Variants in TMTC4 observed in about 807,000 individuals in gnomAD.
TMTC4 encodes the protein protein O-mannosyl-transferase TMTC4.
Under a neutral mutation model 86.0 loss-of-function variants are expected in TMTC4, and 65 were observed. The observed-to-expected ratio is 0.76, with a 90% CI of 0.62 to 0.93. The LOEUF is 0.93. Among genes scored for constraint, TMTC4 ranks in the 40% least tolerant of loss-of-function variants. TMTC4 has a pLI of 0.00. For missense variants in TMTC4, 866 were observed against 948.1 expected, an observed-to-expected ratio of 0.91 and a Z score of 1.14; for synonymous variants, 379 against 382.5, an observed-to-expected ratio of 0.99 and a Z score of 0.11.
chr13:100,624,114 CAGG>C (rs1365700555), intron 15 of TMTC4: 2 of 184,352 alleles, frequency 1.1e-5, no homozygotes, highest in East Asian at 3.4e-4. Context: ...ATCACGAGGT[CAGG>C]AGATCTAGAC....
chr13:100,628,201 A>G (rs965137222), intron 12 of TMTC4, among the ~76,000 whole-genome samples: 2 of 152,072 alleles, frequency 1.3e-5, no homozygotes, highest in Non-Finnish European at 2.9e-5. Flanking sequence ...CTCTGTACCC[A>G]TTCTCACCTC....
In TMTC4 at chr13:100,636,526, TC is replaced by T; in HGVS notation, c.1202+5del. 6.2e-7 allele frequency: 1 copy of T among 1,614,174 alleles called. No individual in the cohort carries two copies. The highest frequency in any genetic ancestry group is 8.5e-7 in the Non-Finnish European group (1 of 1,180,044). On this transcript the variant is annotated splice_donor_5th_base_variant and intron_variant, in intron 10 of 18. Coordinates refer to ENST00000342624, the MANE Select transcript of TMTC4 (RefSeq NM_032813.5). ...GTGGAACTTAAGATTCAGTGCTGCC[TC>T]TTACCTTCTCTTGTGGCCGTCTTCA... is the stretch of plus-strand genomic sequence containing the variant.
intron 7 of TMTC4, among the ~76,000 whole-genome samples, chr13:100,640,104 C>T (rs1194330848): frequency 6.6e-6 from 1 of 152,094 alleles, no homozygotes; most frequent in Admixed American, 6.5e-5. Context: ...ATTGCTGATG[C>T]TCCTGGTCCT....
At chr13:100,634,980 T>C in intron 11 of TMTC4, 44 bp from the exon 12 acceptor site, 1 of 1,609,520 alleles carries the variant, frequency 6.2e-7, no homozygotes, top group Middle Eastern at 1.7e-4. Flanking sequence ...GTGAGATGCA[T>C]CCGGTCATTC....
chr13:100,614,697 G>C (rs1878196058), intron 15 of TMTC4, among the ~76,000 whole-genome samples: 2 of 152,114 alleles, frequency 1.3e-5, no homozygotes, highest in African/African-American at 4.8e-5. Context: ...CAAAGTTATA[G>C]ACTAGAAATG....
chr13:100,665,370 T>G (rs929199353), intron 3 of TMTC4, among the ~76,000 whole-genome samples: 1 of 152,240 alleles, frequency 6.6e-6, no homozygotes, highest in African/African-American at 2.4e-5. Context: ...GGGTTGTCCA[T>G]CAAGATTCTT....
At position 100,670,477 on chromosome 13, in the gene TMTC4, A is replaced by G; in HGVS notation, c.-115T>C. On this transcript the variant is annotated 5_prime_UTR_variant, in exon 2 of 19. An upstream start codon of the reference 5' UTR is lost. Coordinates refer to ENST00000342624, the MANE Select transcript of TMTC4 (RefSeq NM_032813.5). ...TGTCTCTCGAGCCTCACAGCCTGGC[A>G]TACGGCATGCTCTCAGCAAGTGCTG... 2.7e-6 allele frequency: 3 copies of G among 1,111,480 alleles called. No individual in the cohort carries two copies. The highest frequency in any genetic ancestry group is 1.6e-5 in the South Asian group (1 of 63,844). 68.9% of individuals were successfully genotyped at this position (1,111,480 alleles called of 1,614,324 possible). A position where few individuals can be genotyped will look rare whatever the true frequency, so the allele number is the denominator to read the frequency against.
At chr13:100,630,163 A>G (rs1018496338) in intron 12 of TMTC4, among the ~76,000 whole-genome samples, 1 of 152,152 alleles carries the variant, frequency 6.6e-6, no homozygotes, top group African/African-American at 2.4e-5. Context: ...ATGTCTGAAC[A>G]CTGCTTCCAA....
Position 100,604,971 on chromosome 13 carries a change from C to G in TMTC4, c.*23G>C. 1 of 1,610,090 alleles carries G rather than the reference C, an allele frequency of 6.2e-7. No individual in the cohort carries two copies. The highest frequency in any genetic ancestry group is 1.7e-5 in the Admixed American group (1 of 59,254). On this transcript the variant is annotated 3_prime_UTR_variant, in exon 19 of 19. Transcript: ENST00000342624. ...TGCCTCATGCACACACACACTCAAA[C>G]TCAAAACATGAAGGAAACAGGATCA... is the stretch of plus-strand genomic sequence containing the variant.
At chr13:100,658,421 T>G (rs1885367851) in intron 5 of TMTC4, among the ~76,000 whole-genome samples, 1 of 152,074 alleles carries the variant, frequency 6.6e-6, no homozygotes, top group Admixed American at 6.6e-5. Flanking sequence ...GCTGTGACTA[T>G]CTACAGCACC....
In TMTC4 at chr13:100,664,753, C is replaced by T. The variant is rs1051395978; in HGVS notation, c.220-417G>A. ...TCTGCCCTTCCTGAGCTGATCCCAT[C>T]CCTCTTCCATAGGCCTCTGGACATC... On this transcript the variant is annotated intron_variant, in intron 3 of 18. Coordinates refer to ENST00000342624, the MANE Select transcript of TMTC4 (RefSeq NM_032813.5). Among the ~76,000 whole-genome samples, 5 of 152,300 alleles carry T rather than the reference C, an allele frequency of 3.3e-5. No homozygotes were observed. The East Asian group carries it at 9.7e-4, about 29-fold the overall frequency.
intron 12 of TMTC4, among the ~76,000 whole-genome samples, chr13:100,632,053 A>ACACACACACTCTCTCTCTCT (rs1296569630): frequency 2.2e-3 from 95 of 43,088 alleles, no homozygotes; most frequent in Admixed American, 6.3e-3. Flanking sequence ...ACACACACAC[A>ACACACACACTCTCTCTCTCT]CTCTCTCTCT....
chr13:100,641,552 A>G (rs1883011999), intron 7 of TMTC4, among the ~76,000 whole-genome samples: 1 of 151,788 alleles, frequency 6.6e-6, no homozygotes, highest in Non-Finnish European at 1.5e-5. Context: ...CAATGGTGCA[A>G]TCTCGGCTTA....
At position 100,642,120 on chromosome 13, in the gene TMTC4, C is replaced by T. The variant is rs540857474; in HGVS notation, c.741+91G>A. 514 of 1,350,930 alleles carry T rather than the reference C, an allele frequency of 3.8e-4. 1 individual carries two copies. Among genetic ancestry groups the T allele is most frequent in the Non-Finnish European group, 4.9e-4 (476 of 962,476 alleles). 83.7% of individuals were successfully genotyped at this position (1,350,930 alleles called of 1,614,324 possible). ...AGCAATGGGATGTAGGCGTGGAGAA[C>T]GCCACAGAGGCAGGGCCAGCCCCAG... On this transcript the variant is annotated intron_variant, in intron 7 of 18. Transcript: ENST00000342624.
At chr13:100,622,145 G>A (rs1879603212) in intron 15 of TMTC4, among the ~76,000 whole-genome samples, 1 of 152,202 alleles carries the variant, frequency 6.6e-6, no homozygotes, top group South Asian at 2.1e-4. Flanking sequence ...ATGCACGCAA[G>A]GTCAGTGGTT....
chr13:100,625,514 C>T (rs1274632610), intron 15 of TMTC4, 21 bp downstream of exon 15: 4 of 1,612,654 alleles, frequency 2.5e-6, no homozygotes, highest in Non-Finnish European at 3.4e-6. Flanking sequence ...CTTCCACAGG[C>T]ACAGGGCACC....
At chr13:100,614,920 C>G in intron 15 of TMTC4, 1 of 985,244 alleles carries the variant, frequency 1.0e-6, no homozygotes, top group Non-Finnish European at 1.2e-6. Flanking sequence ...AGCTATGTGT[C>G]CAATTCACCT....
intron 6 of TMTC4, among the ~76,000 whole-genome samples, chr13:100,651,861 T>C (rs1884488681): frequency 1.3e-5 from 2 of 152,190 alleles, no homozygotes; most frequent in South Asian, 2.1e-4. Context: ...AAACATTAAA[T>C]AGCATTACTA....
intron 6 of TMTC4, 129 bp from the exon 7 acceptor site, chr13:100,642,440 C>T (rs959551517): frequency 3.1e-6 from 3 of 966,962 alleles, no homozygotes; most frequent in South Asian, 1.5e-5. Flanking sequence ...GGGCTTCAGA[C>T]AGCACTTCTC....
Sources: allele counts gnomAD v4.1 joint callset (sites outside exome capture counted in the v4.1 genomes callset), GRCh38; gene constraint gnomAD v4.1.1; transcripts MANE v1.5; gene names NCBI Gene and HGNC (gene_info 2026-07-23, HGNC 2026-07-21).